The following ASMTL variants were observed in gnomAD, a reference collection of about 807,000 sequenced individuals.
ASMTL encodes the protein probable bifunctional dTTP/UTP pyrophosphatase/methyltransferase protein.
In ASMTL, 57 loss-of-function variants were observed where a neutral mutation model predicts 60.3. The observed-to-expected ratio is 0.95, with a 90% CI of 0.76 to 1.18. The LOEUF is 1.18. ASMTL is among the 50% of genes most tolerant of loss of function. The probability of loss-of-function intolerance (pLI) is 0.00; values close to 1 mark genes in which losing one functional copy is unlikely to be tolerated. For synonymous variants in ASMTL, 419 were observed against 373.0 expected, an observed-to-expected ratio of 1.12 and a Z score of -1.42; for missense variants, 981 against 852.6, an observed-to-expected ratio of 1.15 and a Z score of -1.88.
chrX:1,452,694 G>T, intron 1 of ASMTL, 54 bp downstream of exon 1: 2 of 1,462,630 alleles, frequency 1.4e-6, no homozygotes, highest in Non-Finnish European at 1.9e-6. Context: ...TGGGCCCTCC[G>T]GGGTTCAGCC....
chrX:1,411,911 A>G (rs1348066772), intron 12 of ASMTL, among the ~76,000 whole-genome samples: 2 of 140,910 alleles, frequency 1.4e-5, no homozygotes, highest in East Asian at 4.2e-4. Flanking sequence ...CTCCAGGTTC[A>G]AGCGATTCTC....
chrX:1,403,596 G>T (rs2089676730), intron 12 of ASMTL, 107 bp from the exon 13 acceptor site: 5 of 1,050,934 alleles, frequency 4.8e-6, no homozygotes, highest in Non-Finnish European at 7.2e-6. Flanking sequence ...GTGAGCAGAG[G>T]CTGCTGAGAA....
intron 11 of ASMTL, among the ~76,000 whole-genome samples, chrX:1,414,625 T>A (rs1233333230): frequency 1.3e-5 from 2 of 152,010 alleles, no homozygotes; most frequent in Non-Finnish European, 2.9e-5. Context: ...GGAGGATCCC[T>A]TGAACCCAGG....
chrX:1,423,111 C>T (rs2090523632), intron 8 of ASMTL, among the ~76,000 whole-genome samples: 2 of 152,100 alleles, frequency 1.3e-5, no homozygotes, highest in Admixed American at 1.3e-4. Flanking sequence ...CGCCACCGTG[C>T]CCGGCTAATT....
chrX:1,452,423 C>G (rs2091420495), intron 1 of ASMTL, among the ~76,000 whole-genome samples: 1 of 148,618 alleles, frequency 6.7e-6, no homozygotes, highest in African/African-American at 2.5e-5. Flanking sequence ...GTCCCCATCC[C>G]TAGCGGTCCT....
chrX:1,442,525 G>A (rs1376671828), intron 1 of ASMTL, among the ~76,000 whole-genome samples: 2 of 151,960 alleles, frequency 1.3e-5, no homozygotes, highest in Non-Finnish European at 2.9e-5. Flanking sequence ...TTAGTGGGCC[G>A]CGGACTGACC....
intron 2 of ASMTL, among the ~76,000 whole-genome samples, chrX:1,441,261 C>G (rs1373618061): frequency 9.2e-5 from 14 of 151,784 alleles, no homozygotes; most frequent in Non-Finnish European, 1.6e-4. Context: ...ATATTGATTG[C>G]AAGATAATTT....
intron 5 of ASMTL, among the ~76,000 whole-genome samples, chrX:1,434,078 T>C (rs2090892100): frequency 6.6e-6 from 1 of 152,172 alleles, no homozygotes; most frequent in Non-Finnish European, 1.5e-5. Flanking sequence ...CGACGGCTAC[T>C]GTCAGAACTG....
intron 6 of ASMTL, 108 bp downstream of exon 6, chrX:1,432,161 C>T: frequency 2.2e-6 from 2 of 893,498 alleles, no homozygotes; most frequent in Non-Finnish European, 3.5e-6. Flanking sequence ...ACACGGCCCC[C>T]GGAGCGGGGC....
intron 7 of ASMTL, among the ~76,000 whole-genome samples, chrX:1,427,005 A>ACAAAAAC: frequency 7.2e-6 from 1 of 139,760 alleles, no homozygotes; most frequent in South Asian, 2.4e-4. Context: ...AAAAACAAAA[A>ACAAAAAC]AAAGAGAAAA....
chrX:1,432,120 T>G, intron 6 of ASMTL, 149 bp downstream of exon 6: 1 of 649,248 alleles, frequency 1.5e-6, no homozygotes, highest in Non-Finnish European at 2.7e-6. Context: ...GAAGGGTTTG[T>G]GCTTCTGAGC....
Position 1,407,318 on chromosome X carries a change from G to GATAA in ASMTL, c.1646-3830_1646-3829insTTAT, listed in dbSNP as rs757059454. Among the ~76,000 whole-genome samples, 808 of 151,886 alleles carry GATAA rather than the reference G, an allele frequency of 5.3e-3. 12 individuals are homozygous for GATAA. Among genetic ancestry groups the GATAA allele is most frequent in the African/African-American group, 0.018 (759 of 41,300 alleles). ...ATAGATGGTACATGATGGGCAGGTA[G>GATAA]ATGAATGGATGGATAGATGGATGAG... On this transcript the variant is annotated intron_variant, in intron 12 of 12. Coordinates refer to ENST00000381317, the MANE Select transcript of ASMTL (RefSeq NM_004192.4).
At chrX:1,419,932 G>GTC (rs1399090495) in intron 9 of ASMTL, among the ~76,000 whole-genome samples, 3 of 151,978 alleles carry the variant, frequency 2.0e-5, no homozygotes, top group Admixed American at 6.5e-5. Flanking sequence ...TTCTCCCTTG[G>GTC]TCTCTGTCTG....
chrX:1,431,985 G>A (rs2090803186), intron 6 of ASMTL: 1 of 479,288 alleles, frequency 2.1e-6, no homozygotes, highest in Non-Finnish European at 3.8e-6. Context: ...CTCCCACCAC[G>A]TGAACTCCTC....
At chrX:1,405,849 AGATGGATG>A (rs1171495244) in intron 12 of ASMTL, among the ~76,000 whole-genome samples, 15 of 150,658 alleles carry the variant, frequency 1.0e-4, no homozygotes, top group Admixed American at 6.6e-4. Flanking sequence ...GTACATAGGT[AGATGGATG>A]GATGGATAGA....
At position 1,452,868 on chromosome X, in the gene ASMTL, G is replaced by A. The variant is rs1401036600; in HGVS notation, c.-28C>T. 15 of 1,501,464 alleles carry A rather than the reference G, an allele frequency of 1.0e-5. No homozygotes were observed. In the Admixed American group the frequency reaches 2.6e-4, roughly 26 times the overall value. 93.0% of individuals were successfully genotyped at this position (1,501,464 alleles called of 1,614,324 possible). A position where few individuals can be genotyped will look rare whatever the true frequency, so the allele number is the denominator to read the frequency against. On this transcript the variant is annotated 5_prime_UTR_variant, in exon 1 of 13. Transcript: ENST00000381317. ...CGTCCACGCCGGGAGCCGGGCGTCC[G>A]CACTTCTGAGCCCGGAGCCCGCGGT...
Position 1,435,637 on chromosome X carries a change from C to T in ASMTL, c.338+57G>A, listed in dbSNP as rs765415167. 11 of 1,570,232 alleles carry T rather than the reference C, an allele frequency of 7.0e-6. No homozygotes were observed. In the South Asian group the frequency reaches 1.1e-4, roughly 16 times the overall value. On this transcript the variant is annotated intron_variant, in intron 4 of 12. Transcript: ENST00000381317. ...CTCCCCAGGACACCCGGCCAGATAC[C>T]ACAGCTACTCTGTGGCTCAGAACCC...
intron 1 of ASMTL, among the ~76,000 whole-genome samples, chrX:1,449,844 T>C (rs2091316106): frequency 4.8e-5 from 6 of 124,450 alleles, no homozygotes; most frequent in South Asian, 5.5e-4. Flanking sequence ...CCAGTAACTA[T>C]CCCCACATCA....
chrX:1,453,206 C>A (rs1179773336), upstream of ASMTL, among the ~76,000 whole-genome samples: 1 of 151,722 alleles, frequency 6.6e-6, no homozygotes, highest in African/African-American at 2.4e-5. Context: ...CTCCGCCAGG[C>A]CACGCCCATG....
Sources: allele counts gnomAD v4.1 joint callset (sites outside exome capture counted in the v4.1 genomes callset), GRCh38; gene constraint gnomAD v4.1.1; transcripts MANE v1.5; gene names NCBI Gene and HGNC (gene_info 2026-07-23, HGNC 2026-07-21).